KYAT3: variants seen among roughly 807,000 people sequenced by gnomAD.
KYAT3 encodes the protein kynurenine aminotransferase 3.
Under a neutral mutation model 59.0 loss-of-function variants are expected in KYAT3, and 50 were observed. The ratio of observed to expected loss-of-function variants is 0.85; its 90% CI spans 0.68 to 1.07. KYAT3 has a LOEUF of 1.07. Ranked by LOEUF, KYAT3 falls within the 50% of genes least tolerant of loss-of-function variation. The pLI is 0.00. For missense variants in KYAT3, 497 were observed against 533.3 expected (o/e 0.93, Z 0.67); for synonymous variants, 148 against 177.0 (o/e 0.84, Z 1.30).
intron 2 of KYAT3, chr1:88,983,148 T>C (rs537541331): frequency 4.3e-6 from 7 of 1,612,554 alleles, no homozygotes; most frequent in Middle Eastern, 2.1e-4. Flanking sequence ...TCACGAGAAC[T>C]TGGGTAATCT....
Position 88,961,285 on chromosome 1 carries a change from C to T in KYAT3, c.669G>A (p.Val223=), listed in dbSNP as rs200236169. 3 of 1,613,576 alleles carry T rather than the reference C, an allele frequency of 1.9e-6. No homozygotes were observed. Among genetic ancestry groups the T allele is most frequent in the Non-Finnish European group, 2.5e-6 (3 of 1,179,914 alleles). ...TTACTTGCAGTTCCTCTCTGTTATA[C>T]ACCTACACATAATAAAGGAAAGAGC... The part of the protein sequence containing the change: ...LNTPHNPLGK[V]YNREELQVIA... Residue 223 remains valine (V), a splice_region_variant and synonymous_variant, in exon 8 of 14, where the codon GTG becomes GTA. Transcript: ENST00000260508.
chr1:88,980,011 C>G (rs1570832460), intron 2 of KYAT3: 1 of 152,322 alleles, frequency 6.6e-6, no homozygotes, highest in Non-Finnish European at 1.5e-5. Flanking sequence ...TACTGATACA[C>G]TGCAACCTGG....
At chr1:88,950,122 A>G (rs368842744) in intron 10 of KYAT3, among the ~76,000 whole-genome samples, 1 of 152,186 alleles carries the variant, frequency 6.6e-6, no homozygotes, top group Non-Finnish European at 1.5e-5. Flanking sequence ...CCAGACACCA[A>G]ATCTGCTGGT....
At chr1:88,964,629 T>C (rs189989250) in intron 5 of KYAT3, 200 bp downstream of exon 5, 19 of 529,880 alleles carry the variant, frequency 3.6e-5, no homozygotes, top group Non-Finnish European at 6.5e-5. Context: ...TATCTTTGTC[T>C]GGTTGTAGTT....
chr1:88,932,838 T>A (rs1283585973), downstream of KYAT3, among the ~76,000 whole-genome samples: 2 of 152,128 alleles, frequency 1.3e-5, no homozygotes, highest in Non-Finnish European at 2.9e-5. Context: ...AACACCCTGA[T>A]TCTCTGGATT....
intron 2 of KYAT3, among the ~76,000 whole-genome samples, chr1:88,972,895 T>A (rs1289519754): frequency 6.6e-6 from 1 of 152,236 alleles, no homozygotes; most frequent in Non-Finnish European, 1.5e-5. Context: ...TATAATGAGA[T>A]ACGTGGTTGC....
At chr1:88,925,202 G>A in the KYAT3 span, among the ~76,000 whole-genome samples, 1 of 152,216 alleles carries the variant, frequency 6.6e-6, no homozygotes, top group Non-Finnish European at 1.5e-5. Flanking sequence ...ACCAAGGGCC[G>A]ACTAGAGGCA....
intron 5 of KYAT3, among the ~76,000 whole-genome samples, chr1:88,962,500 A>G (rs2101046543): frequency 6.6e-6 from 1 of 152,362 alleles, no homozygotes; most frequent in East Asian, 1.9e-4. Flanking sequence ...ATTTCTTCAT[A>G]TTTCAAATCA....
downstream of KYAT3, among the ~76,000 whole-genome samples, chr1:88,933,399 G>A (rs1189278613): frequency 1.3e-5 from 2 of 151,648 alleles, no homozygotes; most frequent in African/African-American, 4.9e-5. Context: ...AGAGGAGGGA[G>A]GGAAAAAATA....
intron 8 of KYAT3, among the ~76,000 whole-genome samples, chr1:88,959,812 A>G (rs1318244889): frequency 6.6e-6 from 1 of 151,608 alleles, no homozygotes; most frequent in Non-Finnish European, 1.5e-5. Context: ...TCCCATCTCT[A>G]TAGCAACTTG....
chr1:88,931,408 G>A (rs992968106), downstream of KYAT3, among the ~76,000 whole-genome samples: 6 of 152,100 alleles, frequency 3.9e-5, no homozygotes, highest in Admixed American at 2.6e-4. Context: ...CCCCTGGACC[G>A]GCCTGCTAGC....
At chr1:88,990,216 T>C (rs959488744) in intron 1 of KYAT3, among the ~76,000 whole-genome samples, 2 of 152,190 alleles carry the variant, frequency 1.3e-5, no homozygotes, top group Non-Finnish European at 2.9e-5. Flanking sequence ...CTTGCTTCAC[T>C]GATTATTACC....
At chr1:88,961,101 T>C (rs967170862) in intron 8 of KYAT3, 66 bp downstream of exon 8, 21 of 1,569,572 alleles carry the variant, frequency 1.3e-5, no homozygotes, top group Non-Finnish European at 1.5e-5. Context: ...TGGGATGCTT[T>C]CCAATCAGTT....
intron 2 of KYAT3, chr1:88,982,807 CCT>C: frequency 3.7e-6 from 6 of 1,613,966 alleles, no homozygotes; most frequent in Non-Finnish European, 4.2e-6. Flanking sequence ...GTCTGCCAAC[CCT>C]GTCACAACTT....
At chr1:88,982,943 G>A in intron 2 of KYAT3, 1 of 1,613,904 alleles carries the variant, frequency 6.2e-7, no homozygotes, top group Non-Finnish European at 8.5e-7. Flanking sequence ...TCGTGTAAGT[G>A]GAGCACTACG....
At chr1:88,927,795 T>C in the KYAT3 span, among the ~76,000 whole-genome samples, 3 of 152,238 alleles carry the variant, frequency 2.0e-5, no homozygotes, top group Non-Finnish European at 2.9e-5. Context: ...ATTGATGTTT[T>C]AGAAGGGTTA....
the KYAT3 span, chr1:88,923,501 A>C: frequency 6.1e-6 from 1 of 164,534 alleles, no homozygotes; most frequent in African/African-American, 2.4e-5. Context: ...AGAGGCCAAC[A>C]GCAAGGCTTT....
Position 88,938,327 on chromosome 1 carries a change from TTCA to T in KYAT3, c.1303-2085_1303-2083del, listed in dbSNP as rs1399848855. On this transcript the variant is annotated intron_variant, in intron 13 of 13. Coordinates refer to ENST00000260508, the MANE Select transcript of KYAT3 (RefSeq NM_001008661.3). ...TTCATTATATATTTTTCCAGAGATTTTCATCCATCTTTCTTTTTAAAATTGTAT... is the reference window on the plus strand; with the variant it reads ...TTCATTATATATTTTTCCAGAGATTTTCCATCTTTCTTTTTAAAATTGTAT... Among the ~76,000 whole-genome samples, 3 of 152,216 alleles carry T rather than the reference TTCA, an allele frequency of 2.0e-5. No homozygotes were observed. In the South Asian group the frequency reaches 6.2e-4, roughly 32 times the overall value.
At chr1:88,967,623 TA>T (rs938865525) in intron 4 of KYAT3, among the ~76,000 whole-genome samples, 36 of 152,096 alleles carry the variant, frequency 2.4e-4, no homozygotes, top group Non-Finnish European at 2.8e-4. Context: ...TCAGTTTTGG[TA>T]ATTTGTATCT....
Sources: gnomAD v4.1 joint callset for allele counts (sites outside exome capture counted in the v4.1 genomes callset) on GRCh38, gnomAD v4.1.1 for gene constraint, MANE v1.5 for transcripts, NCBI Gene and HGNC (gene_info 2026-07-23, HGNC 2026-07-21) for gene names.